The following MARCHF10 variants were observed in gnomAD, a reference collection of about 807,000 sequenced individuals.
The protein encoded by MARCHF10 is probable E3 ubiquitin-protein ligase MARCHF10.
A neutral mutation model predicts 76.2 loss-of-function variants in MARCHF10; 64 were observed. That is an observed-to-expected ratio of 0.84 (90% CI 0.69 to 1.03). The LOEUF (loss-of-function observed/expected upper bound fraction) is 1.03, where lower values mean the gene tolerates loss of function less well. MARCHF10 is among the 50% of genes least tolerant of loss of function. The pLI is 0.00. For missense variants in MARCHF10, 875 were observed against 958.0 expected, an observed-to-expected ratio of 0.91 and a Z score of 1.14; for synonymous variants, 340 against 357.5, an observed-to-expected ratio of 0.95 and a Z score of 0.55.
chr17:62,705,848 T>G (rs1006212961), intron 9 of MARCHF10, among the ~76,000 whole-genome samples: 1 of 152,198 alleles, frequency 6.6e-6, no homozygotes, highest in African/African-American at 2.4e-5. Context: ...TCGCTTCCTT[T>G]GAGCAATTGA....
At chr17:62,725,287 A>G (rs1349876457) in intron 6 of MARCHF10, among the ~76,000 whole-genome samples, 183 bp from the exon 7 acceptor site, 1 of 152,050 alleles carries the variant, frequency 6.6e-6, no homozygotes, top group Admixed American at 6.5e-5. Context: ...TTTTTGAAAC[A>G]GAGTCTCACT....
chr17:62,794,941 T>C (rs2092958646), intron 2 of MARCHF10: 2 of 844,728 alleles, frequency 2.4e-6, no homozygotes, highest in Non-Finnish European at 2.8e-6. Context: ...ATCAAAGGCA[T>C]AAAAACAGTT....
rs2092297962 is a variant in MARCHF10, at chr17:62,765,171, GC to G, written c.211-5166del. ...AGACCAGCCTGGCCAACATGGTGAA[GC>G]CCCGTCTCCACTGAAAATACAAAAA... On this transcript the variant is annotated intron_variant, in intron 3 of 10. Transcript: ENST00000311269. Among the ~76,000 whole-genome samples, 9 of 130,678 alleles carry G rather than the reference GC, an allele frequency of 6.9e-5. No homozygotes were observed. In the South Asian group the frequency reaches 2.5e-3, roughly 36 times the overall value. 85.7% of individuals were successfully genotyped at this position (130,678 alleles called of 152,430 possible).
chr17:62,787,593 A>G (rs1362221224), intron 3 of MARCHF10, among the ~76,000 whole-genome samples: 3 of 152,220 alleles, frequency 2.0e-5, no homozygotes, highest in African/African-American at 7.2e-5. Flanking sequence ...AACATGAAAT[A>G]TGATCATAGA....
intron 3 of MARCHF10, among the ~76,000 whole-genome samples, chr17:62,779,759 C>T (rs1340641699): frequency 6.6e-6 from 1 of 152,206 alleles, no homozygotes; most frequent in South Asian, 2.1e-4. Context: ...TGCCACAGAA[C>T]TTTCTGCAGT....
intron 4 of MARCHF10, among the ~76,000 whole-genome samples, chr17:62,748,825 T>A (rs1165558691): frequency 3.3e-5 from 5 of 152,166 alleles, no homozygotes; most frequent in Non-Finnish European, 7.3e-5. Flanking sequence ...TTTCAGACCT[T>A]TGGGGGCTAG....
At chr17:62,740,048 C>T (rs2091448823) in intron 5 of MARCHF10, among the ~76,000 whole-genome samples, 1 of 126,436 alleles carries the variant, frequency 7.9e-6, no homozygotes, top group African/African-American at 3.3e-5. Context: ...AGCTTCTCTG[C>T]AGTGTGTGTG....
At chr17:62,749,550 G>A (rs1281070229) in intron 4 of MARCHF10, among the ~76,000 whole-genome samples, 4 of 152,208 alleles carry the variant, frequency 2.6e-5, no homozygotes, top group South Asian at 4.1e-4. Flanking sequence ...TTTCTGTGCA[G>A]TCACAAATAA....
intron 4 of MARCHF10, among the ~76,000 whole-genome samples, chr17:62,755,271 G>A (rs946033610): frequency 3.3e-5 from 5 of 152,068 alleles, no homozygotes; most frequent in African/African-American, 9.7e-5. Flanking sequence ...TGACAGCAGA[G>A]GGCAGGAGAG....
chr17:62,713,313 TG>T (rs1304018983), intron 8 of MARCHF10, among the ~76,000 whole-genome samples: 4 of 152,276 alleles, frequency 2.6e-5, no homozygotes, highest in South Asian at 2.1e-4. Context: ...AGCTAGAAAA[TG>T]GTTTGGAACT....
intron 8 of MARCHF10, among the ~76,000 whole-genome samples, chr17:62,713,590 CGT>C (rs765560388): frequency 6.6e-6 from 1 of 152,150 alleles, no homozygotes; most frequent in Non-Finnish European, 1.5e-5. Context: ...TCAGAGCAGG[CGT>C]GTGATAGTCA....
chr17:62,723,066 C>T (rs542648850), intron 7 of MARCHF10, among the ~76,000 whole-genome samples: 6 of 151,274 alleles, frequency 4.0e-5, no homozygotes, highest in Non-Finnish European at 8.8e-5. Flanking sequence ...GCCTTTACTC[C>T]TGCCCAGGTA....
chr17:62,759,785 T>C (rs1487399557), intron 4 of MARCHF10, 50 bp downstream of exon 4: 1 of 1,586,386 alleles, frequency 6.3e-7, no homozygotes, highest in South Asian at 1.1e-5. Flanking sequence ...GTTGTTATTT[T>C]TAATACCGGG....
chr17:62,713,874 C>T (rs1025649012), intron 8 of MARCHF10, among the ~76,000 whole-genome samples: 6 of 152,164 alleles, frequency 3.9e-5, no homozygotes, highest in Non-Finnish European at 7.3e-5. Context: ...TGTGAAACAG[C>T]GCAAAAGGGC....
At chr17:62,750,949 T>A (rs2091879638) in intron 4 of MARCHF10, among the ~76,000 whole-genome samples, 2 of 152,128 alleles carry the variant, frequency 1.3e-5, no homozygotes, top group South Asian at 4.1e-4. Context: ...ATCCTCCAGC[T>A]GCCCCCGCTA....
At chr17:62,705,198 A>C (rs2089501075) in intron 10 of MARCHF10, 1 of 1,237,368 alleles carries the variant, frequency 8.1e-7, no homozygotes, top group Non-Finnish European at 1.0e-6. Context: ...CTGGCAGTAA[A>C]AAAACCAACC....
At chr17:62,737,766 C>A (rs2091339142) in intron 5 of MARCHF10, 1 of 168,234 alleles carries the variant, frequency 5.9e-6, no homozygotes, top group Non-Finnish European at 1.2e-5. Context: ...ATTTATGACA[C>A]CCTGCCTCCC....
intron 4 of MARCHF10, among the ~76,000 whole-genome samples, chr17:62,753,145 GC>G (rs1323523243): frequency 6.6e-6 from 1 of 152,050 alleles, no homozygotes; most frequent in Non-Finnish European, 1.5e-5. Flanking sequence ...TGTCGCCCAG[GC>G]TGGAGTGTGG....
intron 9 of MARCHF10, chr17:62,706,425 TTATC>T (rs1248082093): frequency 6.6e-6 from 1 of 152,272 alleles, no homozygotes; most frequent in Non-Finnish European, 1.5e-5. Flanking sequence ...CAGCTGATCG[TTATC>T]TATCTCATCA....
Sources: allele counts gnomAD v4.1 joint callset (sites outside exome capture counted in the v4.1 genomes callset), GRCh38; gene constraint gnomAD v4.1.1; transcripts MANE v1.5; gene names NCBI Gene and HGNC (gene_info 2026-07-23, HGNC 2026-07-21).